MTMR7: variants seen among roughly 807,000 people sequenced by gnomAD.
The protein encoded by MTMR7 is phosphatidylinositol-3-phosphate phosphatase MTMR7.
MTMR7 carries 76 observed loss-of-function variants against 81.2 expected under a neutral mutation model. The ratio of observed to expected loss-of-function variants is 0.94; its 90% CI spans 0.78 to 1.13. MTMR7 has a LOEUF of 1.13. Among genes scored for constraint, MTMR7 ranks in the 50% most tolerant of loss-of-function variants. MTMR7 has a pLI of 0.00. For synonymous variants in MTMR7, 372 were observed against 289.8 expected (o/e 1.28, Z -2.88); for missense variants, 1,044 against 820.0 (o/e 1.27, Z -3.34).
At chr8:17,394,438 G>A (rs1226257691) in intron 1 of MTMR7, among the ~76,000 whole-genome samples, 3 of 152,156 alleles carry the variant, frequency 2.0e-5, no homozygotes, top group Non-Finnish European at 4.4e-5. Context: ...TTAACTGAAA[G>A]AAGCCAGTCA....
At chr8:17,336,059 G>A (rs915273198) in intron 6 of MTMR7, among the ~76,000 whole-genome samples, 1 of 152,134 alleles carries the variant, frequency 6.6e-6, no homozygotes, top group African/African-American at 2.4e-5. Context: ...CTCTTCATCG[G>A]TTGACATGAG....
Position 17,410,718 on chromosome 8 carries a change from G to A in MTMR7, c.24+2551C>T, listed in dbSNP as rs137928290. 4.6e-5 allele frequency among the ~76,000 whole-genome samples: 7 copies of A among 152,290 alleles called. 1 individual carries two copies. Among genetic ancestry groups the A allele is most frequent in the Non-Finnish European group, 8.8e-5 (6 of 68,038 alleles). ...GTGCAAAGCATTCCAGATTATGCAC[G>A]TGCATCTGTCTCCTTAAACTGCACT... On this transcript the variant is annotated intron_variant, in intron 1 of 13. Coordinates refer to ENST00000180173, the MANE Select transcript of MTMR7 (RefSeq NM_004686.5).
chr8:17,300,879 A>G (rs928249102), intron 13 of MTMR7, among the ~76,000 whole-genome samples: 6 of 152,182 alleles, frequency 3.9e-5, no homozygotes, highest in Non-Finnish European at 8.8e-5. Flanking sequence ...CAACATGTGG[A>G]TTTTTGTATC....
rs112325170 is a variant in MTMR7, at chr8:17,408,504, T to G, written c.24+4765A>C. ...TTTGGCGACGTGATGAAGGACAAACTTATCAACTGCTAGATGACATCAAAC... is the reference window on the plus strand; with the variant it reads ...TTTGGCGACGTGATGAAGGACAAACGTATCAACTGCTAGATGACATCAAAC... On this transcript the variant is annotated intron_variant, in intron 1 of 13. Transcript: ENST00000180173. Among the ~76,000 whole-genome samples the G allele has an allele frequency of 7.7e-3, 1,178 of 152,066 alleles. 23 individuals carry two copies. Among genetic ancestry groups the G allele is most frequent in the African/African-American group, 0.027 (1,104 of 41,396 alleles).
At chr8:17,358,740 T>A (rs1819971306) in intron 4 of MTMR7, among the ~76,000 whole-genome samples, 1 of 152,188 alleles carries the variant, frequency 6.6e-6, no homozygotes, top group Non-Finnish European at 1.5e-5. Flanking sequence ...CCTACCTGTC[T>A]GTAATTTTTA....
intron 5 of MTMR7, among the ~76,000 whole-genome samples, chr8:17,346,333 C>G (rs901192023): frequency 6.6e-6 from 1 of 152,164 alleles, no homozygotes; most frequent in Non-Finnish European, 1.5e-5. Flanking sequence ...AACCCGATCA[C>G]GCAGCGCTGC....
At chr8:17,397,711 G>A (rs906492758) in intron 1 of MTMR7, among the ~76,000 whole-genome samples, 2 of 152,124 alleles carry the variant, frequency 1.3e-5, no homozygotes, top group Non-Finnish European at 1.5e-5. Context: ...TGGAGCCCTA[G>A]GGCCTTAAGT....
intron 5 of MTMR7, among the ~76,000 whole-genome samples, chr8:17,344,119 G>C (rs1255413929): frequency 6.6e-6 from 1 of 152,076 alleles, no homozygotes; most frequent in African/African-American, 2.4e-5. Flanking sequence ...TATACAATAA[G>C]ACCTATTATT....
rs559283754 is a variant in MTMR7, at chr8:17,313,344, C to G, written c.923G>C (p.Gly308Ala). ...TATGGCTTTAATGTGCCTTAACCAG[C>G]CAGAGTTCTCCAGACCCCACAGGAA... ...SDFLWGLENS[G>A]WLRHIKAIMD... The change falls in exon 8 of 14, where the codon GGC (glycine) becomes GCC (alanine). Residue 308 changes from glycine to alanine, a missense_variant. Transcript: ENST00000180173. 2 of 1,612,878 alleles carry G rather than the reference C, an allele frequency of 1.2e-6. No individual in the cohort carries two copies. Among genetic ancestry groups the G allele is most frequent in the African/African-American group, 1.3e-5 (1 of 75,022 alleles).
chr8:17,396,153 A>G (rs1821241115), intron 1 of MTMR7, among the ~76,000 whole-genome samples: 1 of 151,926 alleles, frequency 6.6e-6, no homozygotes, highest in South Asian at 2.1e-4. Context: ...CAGACAAACT[A>G]TGGGGATGGA....
At chr8:17,317,799 C>CT (rs556175005) in intron 7 of MTMR7, among the ~76,000 whole-genome samples, 14 of 152,156 alleles carry the variant, frequency 9.2e-5, no homozygotes, top group African/African-American at 2.4e-4. Flanking sequence ...TAAATTGCAG[C>CT]TTTTTTTTCT....
In MTMR7 at chr8:17,311,126, A is replaced by G. The variant is rs56370882; in HGVS notation, c.1101+385T>C. ...ACCAAGGACTTTTGGCATACACAATATAGAAAATTTCTTCCCAAAATATTT... is the reference window on the plus strand; with the variant it reads ...ACCAAGGACTTTTGGCATACACAATGTAGAAAATTTCTTCCCAAAATATTT... On this transcript the variant is annotated intron_variant, in intron 9 of 13. Coordinates refer to ENST00000180173, the MANE Select transcript of MTMR7 (RefSeq NM_004686.5). 7.2e-3 allele frequency among the ~76,000 whole-genome samples: 1,102 copies of G among 152,338 alleles called. 26 individuals carry two copies. The highest frequency in any genetic ancestry group is 0.025 in the African/African-American group (1,044 of 41,562).
chr8:17,314,468 C>T (rs911994469), intron 7 of MTMR7, among the ~76,000 whole-genome samples: 10 of 151,988 alleles, frequency 6.6e-5, no homozygotes, highest in Admixed American at 5.9e-4. Flanking sequence ...AACTGTAAAC[C>T]CCCAGATTCA....
chr8:17,334,863 A>G (rs902697682), intron 6 of MTMR7, among the ~76,000 whole-genome samples: 1 of 152,206 alleles, frequency 6.6e-6, no homozygotes, highest in Non-Finnish European at 1.5e-5. Context: ...TGTTTAAGAG[A>G]GAAAGCTAGA....
chr8:17,315,111 C>T (rs1435385448), intron 7 of MTMR7, among the ~76,000 whole-genome samples: 1 of 152,126 alleles, frequency 6.6e-6, no homozygotes, highest in Non-Finnish European at 1.5e-5. Context: ...AATATTTAAA[C>T]ATATGAAGTT....
chr8:17,391,456 C>T (rs1277028515), intron 1 of MTMR7, among the ~76,000 whole-genome samples: 5 of 152,150 alleles, frequency 3.3e-5, no homozygotes, highest in Non-Finnish European at 7.3e-5. Flanking sequence ...ACTAGGGCCA[C>T]TGTCTGTCTT....
intron 1 of MTMR7, among the ~76,000 whole-genome samples, chr8:17,390,406 T>C (rs1346681952): frequency 6.6e-6 from 1 of 152,134 alleles, no homozygotes; most frequent in Non-Finnish European, 1.5e-5. Context: ...AAACCATTCA[T>C]ATGAAATCCA....
At chr8:17,339,543 C>T (rs1257956563) in intron 6 of MTMR7, among the ~76,000 whole-genome samples, 1 of 152,214 alleles carries the variant, frequency 6.6e-6, no homozygotes, top group African/African-American at 2.4e-5. Context: ...CTTAGTATGA[C>T]ACTTTCAAGG....
At position 17,297,039 on chromosome 8, in the gene MTMR7, C is replaced by G. The variant is rs1816706982; in HGVS notation, c.*2823G>C. On this transcript the variant is annotated 3_prime_UTR_variant, in exon 14 of 14. Coordinates refer to ENST00000180173, the MANE Select transcript of MTMR7 (RefSeq NM_004686.5). ...GTTTTTGCAACAGAGATTAAGTGAC[C>G]ATTTTTTCTAATTTTATGGCTATAT... 1 of 152,034 alleles carries G rather than the reference C, an allele frequency of 6.6e-6. No individual in the cohort carries two copies. The highest frequency in any genetic ancestry group is 2.4e-5 in the African/African-American group (1 of 41,402). The allele number at this position is 152,034 out of a possible 1,614,324, so 9.4% of individuals were successfully genotyped here.
Sources: allele counts gnomAD v4.1 joint callset (sites outside exome capture counted in the v4.1 genomes callset), GRCh38; gene constraint gnomAD v4.1.1; transcripts MANE v1.5; gene names NCBI Gene and HGNC (gene_info 2026-07-23, HGNC 2026-07-21).